Variants in LRRC1 observed in about 807,000 individuals in gnomAD.
The protein encoded by LRRC1 is leucine-rich repeat-containing protein 1.
A neutral mutation model predicts 69.9 loss-of-function variants in LRRC1; 28 were observed. That is an observed-to-expected ratio of 0.40 (90% CI 0.30 to 0.55). The LOEUF is 0.55. Ranked by LOEUF, LRRC1 falls within the 20% of genes least tolerant of loss-of-function variation. The probability of loss-of-function intolerance (pLI) is 0.47; values close to 1 mark genes in which losing one functional copy is unlikely to be tolerated. For missense variants in LRRC1, 498 were observed against 609.0 expected, an observed-to-expected ratio of 0.82 and a Z score of 1.92; for synonymous variants, 236 against 240.2, an observed-to-expected ratio of 0.98 and a Z score of 0.16.
chr6:53,901,404 G>A (rs1411667072), intron 8 of LRRC1, among the ~76,000 whole-genome samples: 1 of 152,124 alleles, frequency 6.6e-6, no homozygotes, highest in Admixed American at 6.5e-5. Context: ...GCCAAGTGGG[G>A]TGGCACATGC....
chr6:53,920,488 A>G, intron 12 of LRRC1, 137 bp from the exon 13 acceptor site: 1 of 827,340 alleles, frequency 1.2e-6, no homozygotes, highest in South Asian at 2.4e-5. Context: ...CCAAACTTGC[A>G]ACAGAACACC....
intron 1 of LRRC1, among the ~76,000 whole-genome samples, chr6:53,839,818 C>A (rs1482466024): frequency 2.6e-5 from 4 of 152,106 alleles, no homozygotes; most frequent in Non-Finnish European, 5.9e-5. Context: ...GAATTAATAA[C>A]CCTCTTTCCT....
chr6:53,868,529 A>G (rs1165507847), intron 2 of LRRC1, among the ~76,000 whole-genome samples: 1 of 152,146 alleles, frequency 6.6e-6, no homozygotes, highest in Non-Finnish European at 1.5e-5. Flanking sequence ...CCCAGCCAAT[A>G]TGATGCTACT....
chr6:53,803,883 T>C (rs1309872903), intron 1 of LRRC1, among the ~76,000 whole-genome samples: 4 of 152,176 alleles, frequency 2.6e-5, no homozygotes, highest in African/African-American at 9.7e-5. Flanking sequence ...GTCACCTTTC[T>C]TTCCGCAGTC....
chr6:53,800,247 CTTTTTT>C (rs55960000), intron 1 of LRRC1, among the ~76,000 whole-genome samples: 3 of 89,552 alleles, frequency 3.4e-5, no homozygotes, highest in African/African-American at 4.4e-5. Flanking sequence ...GTTTCTTTTT[CTTTTTT>C]TTTTTTTTTT....
rs78697494 is a variant in LRRC1, at chr6:53,896,349, G to A, written c.447-149G>A. ...GTATTGTTTTTAATGGGTGTGGGGG[G>A]TGGTGATGATAGGTATTTTTACCCT... On this transcript the variant is annotated intron_variant, in intron 4 of 13. Transcript: ENST00000370888. 6 of 677,008 alleles carry A rather than the reference G, an allele frequency of 8.9e-6. No individual in the cohort carries two copies. In the Admixed American group the frequency reaches 1.0e-4, roughly 11 times the overall value. 41.9% of individuals were successfully genotyped at this position (677,008 alleles called of 1,614,324 possible). A position where few individuals can be genotyped will look rare whatever the true frequency, so the allele number is the denominator to read the frequency against.
At chr6:53,896,761 G>T in intron 5 of LRRC1, 68 bp from the exon 6 acceptor site, 1 of 1,052,810 alleles carries the variant, frequency 9.5e-7, no homozygotes, top group South Asian at 1.4e-5. Flanking sequence ...TAGTCCAAGT[G>T]AGGGATACTA....
intron 10 of LRRC1, among the ~76,000 whole-genome samples, chr6:53,911,148 G>A (rs927598979): frequency 6.6e-6 from 1 of 152,158 alleles, no homozygotes; most frequent in African/African-American, 2.4e-5. Flanking sequence ...TCCACCCCTT[G>A]ACGTCTCAAA....
At chr6:53,809,925 C>T (rs2127405173) in intron 1 of LRRC1, among the ~76,000 whole-genome samples, 1 of 152,368 alleles carries the variant, frequency 6.6e-6, no homozygotes, top group South Asian at 2.1e-4. Context: ...TGACTTGGTC[C>T]TGTGGTGGTA....
intron 7 of LRRC1, 70 bp from the exon 8 acceptor site, chr6:53,899,677 C>T: frequency 6.8e-7 from 1 of 1,462,716 alleles, no homozygotes; most frequent in Non-Finnish European, 9.3e-7. Context: ...TGTGAAAAAT[C>T]ACTGGAACAA....
chr6:53,856,321 G>A (rs1766306876), intron 2 of LRRC1, among the ~76,000 whole-genome samples: 1 of 152,198 alleles, frequency 6.6e-6, no homozygotes, highest in South Asian at 2.1e-4. Context: ...GGCTCTTGAG[G>A]GATTTAGGCC....
intron 11 of LRRC1, 27 bp from the exon 12 acceptor site, chr6:53,919,470 CT>C (rs59246960): frequency 4.2e-5 from 51 of 1,204,480 alleles, no homozygotes; most frequent in African/African-American, 8.8e-5. Context: ...TGTGATGTCT[CT>C]TTTTTTAAAA....
chr6:53,840,927 T>TGCGCGC (rs1554181920), intron 1 of LRRC1, among the ~76,000 whole-genome samples: 15 of 132,604 alleles, frequency 1.1e-4, no homozygotes, highest in African/African-American at 3.8e-4. Context: ...TGTGTGTGTG[T>TGCGCGC]GCGTGCGCGC....
intron 1 of LRRC1, among the ~76,000 whole-genome samples, chr6:53,827,838 A>G (rs1398312108): frequency 6.6e-6 from 1 of 152,190 alleles, no homozygotes; most frequent in East Asian, 1.9e-4. Context: ...TGCTAGTGTA[A>G]GATATGAGCA....
intron 1 of LRRC1, among the ~76,000 whole-genome samples, chr6:53,806,333 G>A (rs768733942): frequency 6.6e-6 from 1 of 152,134 alleles, no homozygotes; most frequent in Non-Finnish European, 1.5e-5. Context: ...CAGCCCTTTT[G>A]GGGAGTGGAT....
At chr6:53,846,856 T>C (rs1765963357) in intron 2 of LRRC1, among the ~76,000 whole-genome samples, 2 of 152,218 alleles carry the variant, frequency 1.3e-5, no homozygotes, top group African/African-American at 4.8e-5. Context: ...GACCTCTGAT[T>C]ATGTGAGAAG....
intron 2 of LRRC1, among the ~76,000 whole-genome samples, chr6:53,862,403 C>A (rs1418085813): frequency 6.7e-6 from 1 of 150,244 alleles, no homozygotes; most frequent in Non-Finnish European, 1.5e-5. Context: ...GCACATTATC[C>A]CATATGAAAC....
At position 53,896,905 on chromosome 6, in the gene LRRC1, T is replaced by C. The variant is rs749990894; in HGVS notation, c.567+13T>C. 2 of 1,521,212 alleles carry C rather than the reference T, an allele frequency of 1.3e-6. No individual in the cohort carries two copies. Among genetic ancestry groups the C allele is most frequent in the Non-Finnish European group, 1.8e-6 (2 of 1,098,014 alleles). 94.2% of individuals were successfully genotyped at this position (1,521,212 alleles called of 1,614,324 possible). A position where few individuals can be genotyped will look rare whatever the true frequency, so the allele number is the denominator to read the frequency against. On this transcript the variant is annotated intron_variant, in intron 6 of 13. Transcript: ENST00000370888. ...AATATATAATTTGGTAAGTCCGTATTAGAGATTTGAATTTAACTTTGTTTT... is the reference window on the plus strand; with the variant it reads ...AATATATAATTTGGTAAGTCCGTATCAGAGATTTGAATTTAACTTTGTTTT...
rs1054111987 is a variant in LRRC1, at chr6:53,922,926, G to A, written c.*133G>A. The A allele has an allele frequency of 5.0e-6, 4 of 795,790 alleles. No homozygotes were observed. The highest frequency in any genetic ancestry group is 2.3e-5 in the Admixed American group (1 of 43,064). The allele number at this position is 795,790 out of a possible 1,614,324, so 49.3% of individuals were successfully genotyped here. On this transcript the variant is annotated 3_prime_UTR_variant, in exon 14 of 14. Transcript: ENST00000370888. ...CCATCTTCCCGTGGAGTGTGGGGAA[G>A]CTGCTGTCTCCCAGGAAGTGCCTTA...
Sources: allele counts gnomAD v4.1 joint callset (sites outside exome capture counted in the v4.1 genomes callset), GRCh38; gene constraint gnomAD v4.1.1; transcripts MANE v1.5; gene names NCBI Gene and HGNC (gene_info 2026-07-23, HGNC 2026-07-21).